Variants in BACH2 observed in about 807,000 individuals in gnomAD.
BACH2 encodes the protein BACH transcriptional regulator 2, also known as transcription regulator protein BACH2.
Under a neutral mutation model 61.8 loss-of-function variants are expected in BACH2, and 5 were observed. The observed-to-expected ratio is 0.08, with a 90% confidence interval of 0.04 to 0.17. The LOEUF (loss-of-function observed/expected upper bound fraction) is 0.17, where lower values mean the gene tolerates loss of function less well. Among genes scored for constraint, BACH2 ranks in the 10% least tolerant of loss-of-function variants. The pLI is 1.00. For synonymous variants in BACH2, 446 were observed against 440.1 expected, an observed-to-expected ratio of 1.01 and a Z score of -0.17; for missense variants, 824 against 1,091.1, an observed-to-expected ratio of 0.76 and a Z score of 3.45.
At chr6:90,194,003 G>A (rs1768665921) in intron 4 of BACH2, among the ~76,000 whole-genome samples, 1 of 151,942 alleles carries the variant, frequency 6.6e-6, no homozygotes, top group Non-Finnish European at 1.5e-5. Flanking sequence ...ATTTCCTCAA[G>A]AATATTAAAC....
At chr6:90,147,737 T>C (rs951205114) in intron 4 of BACH2, among the ~76,000 whole-genome samples, 5 of 152,196 alleles carry the variant, frequency 3.3e-5, no homozygotes, top group African/African-American at 4.8e-5. Flanking sequence ...GCACCGTAAT[T>C]GAAAAAATAA....
intron 4 of BACH2, among the ~76,000 whole-genome samples, chr6:90,149,072 C>CA (rs1562474532): frequency 6.6e-6 from 1 of 152,136 alleles, no homozygotes; most frequent in Non-Finnish European, 1.5e-5. Flanking sequence ...AGGGTTGCCC[C>CA]AGCAGGGCTG....
chr6:90,065,477 T>C (rs189669027), intron 5 of BACH2, among the ~76,000 whole-genome samples: 3 of 152,016 alleles, frequency 2.0e-5, no homozygotes, highest in Admixed American at 6.5e-5. Context: ...GTGGGCCATA[T>C]GATCATCTCC....
At chr6:89,941,551 T>C (rs1204031749) in intron 7 of BACH2, among the ~76,000 whole-genome samples, 2 of 152,198 alleles carry the variant, frequency 1.3e-5, no homozygotes, top group African/African-American at 4.8e-5. Context: ...AAGGCCTTTG[T>C]GCACGGGGCT....
intron 3 of BACH2, among the ~76,000 whole-genome samples, chr6:90,214,701 C>T (rs887688772): frequency 6.6e-6 from 1 of 150,806 alleles, no homozygotes; most frequent in Non-Finnish European, 1.5e-5. Flanking sequence ...CTCTAGTTGG[C>T]CTGAAGGTTC....
intron 4 of BACH2, among the ~76,000 whole-genome samples, chr6:90,187,873 G>C (rs1422393207): frequency 6.6e-6 from 1 of 152,194 alleles, no homozygotes; most frequent in African/African-American, 2.4e-5. Flanking sequence ...TAGAGGCTGT[G>C]GCCTGGAGAG....
rs878885096 is a variant in BACH2, at chr6:89,932,715, G to C, written c.2219C>G (p.Thr740Arg). Residue 740 changes from threonine (T) to arginine (R), a missense_variant, in exon 9 of 9, where the codon ACG becomes AGG. Coordinates refer to ENST00000257749, the MANE Select transcript of BACH2 (RefSeq NM_021813.4). ...GGGCGCAGGGTTAATACTGGAGGCC[G>C]TGGGCAAGTCCATGGGTCTGAGGAC... The part of the protein sequence containing the change: ...CPVLRPMDLP[T>R]ASSINPAPLG... 3 of 1,614,162 alleles carry C rather than the reference G, an allele frequency of 1.9e-6. No individual in the cohort carries two copies. Among genetic ancestry groups the C allele is most frequent in the Non-Finnish European group, 2.5e-6 (3 of 1,180,034 alleles).
At chr6:89,970,927 G>A (rs1265641674) in intron 6 of BACH2, among the ~76,000 whole-genome samples, 1 of 152,226 alleles carries the variant, frequency 6.6e-6, no homozygotes, top group Non-Finnish European at 1.5e-5. Context: ...AAAAATATAT[G>A]CGGGATCTTA....
At chr6:90,224,470 T>A (rs7761522) in intron 3 of BACH2, among the ~76,000 whole-genome samples, 15,480 of 152,206 alleles carry the variant, frequency 0.1, 1,094 homozygotes, top group East Asian at 0.36. Context: ...AATACTGGGA[T>A]GGAAGTTCCT....
intron 6 of BACH2, among the ~76,000 whole-genome samples, chr6:89,963,761 T>C (rs960110176): frequency 1.3e-5 from 2 of 152,228 alleles, no homozygotes; most frequent in African/African-American, 4.8e-5. Flanking sequence ...TGTACACTCA[T>C]GTTCACAGCA....
At chr6:90,296,071 G>T (rs1271951633) in intron 1 of BACH2, among the ~76,000 whole-genome samples, 1 of 152,046 alleles carries the variant, frequency 6.6e-6, no homozygotes, top group Non-Finnish European at 1.5e-5. Flanking sequence ...CGGGGGCAGG[G>T]CCGCGGGTCT....
chr6:90,056,690 C>T (rs1372595993), intron 5 of BACH2, among the ~76,000 whole-genome samples: 173 of 152,250 alleles, frequency 1.1e-3, no homozygotes, highest in African/African-American at 4.1e-3. Flanking sequence ...CACCACACCA[C>T]ACCTACTCCA....
Position 90,296,586 on chromosome 6 carries a change from A to G in BACH2, c.-552T>C, listed in dbSNP as rs1772402571. On this transcript the variant is annotated 5_prime_UTR_variant, in exon 1 of 9. Transcript: ENST00000257749. ...AGGTGGGCAGTTCGTGGGTCACCGA[A>G]AGCTCGCGGAGGGGACGCGCATCAC... The G allele has an allele frequency of 6.6e-6, 1 of 151,768 alleles. No individual in the cohort carries two copies. Among genetic ancestry groups the G allele is most frequent in the South Asian group, 2.0e-4 (1 of 4,922 alleles). The allele number at this position is 151,768 out of a possible 1,614,324, so 9.4% of individuals were successfully genotyped here.
intron 5 of BACH2, among the ~76,000 whole-genome samples, chr6:90,060,351 T>C (rs1198266915): frequency 6.6e-6 from 1 of 152,186 alleles, no homozygotes; most frequent in African/African-American, 2.4e-5. Context: ...TCCATCTCTT[T>C]GTCTGTGCTC....
At chr6:90,065,497 A>C (rs181534001) in intron 5 of BACH2, among the ~76,000 whole-genome samples, 114 of 151,740 alleles carry the variant, frequency 7.5e-4, no homozygotes, top group African/African-American at 2.7e-3. Flanking sequence ...CATTCCAAAT[A>C]CTCAGCTCTG....
intron 6 of BACH2, among the ~76,000 whole-genome samples, chr6:90,000,728 G>A (rs935736704): frequency 1.3e-5 from 2 of 152,166 alleles, no homozygotes; most frequent in Non-Finnish European, 2.9e-5. Flanking sequence ...GCCATGATCC[G>A]CCTATGTTCT....
At chr6:90,122,579 C>T (rs1783676613) in intron 4 of BACH2, among the ~76,000 whole-genome samples, 1 of 152,216 alleles carries the variant, frequency 6.6e-6, no homozygotes, top group Admixed American at 6.5e-5. Flanking sequence ...AATAGACTTA[C>T]TATGACATTT....
chr6:90,027,199 C>T (rs569205024), intron 5 of BACH2, among the ~76,000 whole-genome samples: 2 of 152,090 alleles, frequency 1.3e-5, no homozygotes, highest in African/African-American at 2.4e-5. Context: ...AATGTTAACA[C>T]GCAGGTCAAA....
chr6:90,168,458 T>C (rs1767703454), intron 4 of BACH2, among the ~76,000 whole-genome samples: 1 of 152,244 alleles, frequency 6.6e-6, no homozygotes, highest in African/African-American at 2.4e-5. Flanking sequence ...CCACATATTA[T>C]TGACATGCAA....
Sources: gnomAD v4.1 joint callset for allele counts (sites outside exome capture counted in the v4.1 genomes callset) on GRCh38, gnomAD v4.1.1 for gene constraint, MANE v1.5 for transcripts, NCBI Gene and HGNC (gene_info 2026-07-23, HGNC 2026-07-21) for gene names.